PTPRE: variants seen among roughly 807,000 people sequenced by gnomAD.
PTPRE encodes the protein receptor-type tyrosine-protein phosphatase epsilon.
A neutral mutation model predicts 102.0 loss-of-function variants in PTPRE; 51 were observed. That is an observed-to-expected ratio of 0.50 (90% CI 0.40 to 0.63). The LOEUF (loss-of-function observed/expected upper bound fraction) is 0.63. PTPRE is among the 30% of genes least tolerant of loss of function. PTPRE has a pLI of 0.00. For synonymous variants in PTPRE, 345 were observed against 348.2 expected (o/e 0.99, Z 0.10); for missense variants, 752 against 915.1 (o/e 0.82, Z 2.30).
In PTPRE at chr10:128,085,287, CTT is replaced by C. The variant is rs1852011410; in HGVS notation, c.*2382_*2383del. ...TCCGTGCAACCTGGAAAGTTCATCT[CTT>C]GTTTCCTTCAGTCAAAGAAAGTCCA... On this transcript the variant is annotated 3_prime_UTR_variant, in exon 21 of 21. Coordinates refer to ENST00000254667, the MANE Select transcript of PTPRE (RefSeq NM_006504.6). The C allele has an allele frequency of 3.2e-6, 1 of 311,442 alleles. No individual in the cohort carries two copies. The highest frequency in any genetic ancestry group is 6.6e-6 in the Non-Finnish European group (1 of 152,328). 19.3% of individuals were successfully genotyped at this position (311,442 alleles called of 1,614,324 possible). A position where few individuals can be genotyped will look rare whatever the true frequency, so the allele number is the denominator to read the frequency against.
At chr10:128,021,706 C>T (rs1478684556) in intron 2 of PTPRE, among the ~76,000 whole-genome samples, 1 of 152,256 alleles carries the variant, frequency 6.6e-6, no homozygotes, top group Non-Finnish European at 1.5e-5. Context: ...TGCTGTGAGA[C>T]TGTGCCCCGG....
intron 16 of PTPRE, chr10:128,072,502 A>C: frequency 3.8e-6 from 1 of 259,768 alleles, no homozygotes; most frequent in Non-Finnish European, 7.4e-6. Context: ...AAATACAAAA[A>C]TTAGCTGGGC....
chr10:128,048,652 C>T (rs115762819), intron 5 of PTPRE, among the ~76,000 whole-genome samples: 2,011 of 152,290 alleles, frequency 0.013, 52 homozygotes, highest in African/African-American at 0.047. Context: ...TTCCTGCCCT[C>T]GTTCCAGTCC....
intron 4 of PTPRE, 130 bp from the exon 5 acceptor site, chr10:128,047,634 T>TAG: frequency 6.2e-7 from 1 of 1,614,130 alleles, no homozygotes; most frequent in East Asian, 2.2e-5. Context: ...GGCCAGGCCT[T>TAG]AGCGCGGCTC....
chr10:127,935,548 T>C (rs1395363724), intron 1 of PTPRE, among the ~76,000 whole-genome samples: 2 of 152,044 alleles, frequency 1.3e-5, no homozygotes, highest in African/African-American at 4.8e-5. Flanking sequence ...TGCAACTCCA[T>C]CCTTTGCTCC....
chr10:128,069,993 G>A, intron 13 of PTPRE, 166 bp downstream of exon 13: 1 of 999,446 alleles, frequency 1.0e-6, no homozygotes, highest in Admixed American at 2.4e-5. Flanking sequence ...TGGGACCTCA[G>A]GGACTCCCTC....
intron 1 of PTPRE, among the ~76,000 whole-genome samples, chr10:127,919,226 T>A (rs191973879): frequency 6.6e-6 from 1 of 152,222 alleles, no homozygotes. Flanking sequence ...TCATTTCTGG[T>A]GATTTTCTCA....
chr10:128,066,557 G>A (rs1409828869), intron 11 of PTPRE, among the ~76,000 whole-genome samples: 5 of 152,148 alleles, frequency 3.3e-5, no homozygotes, highest in African/African-American at 4.8e-5. Context: ...AACACTTTCC[G>A]AATTCTGTCT....
At chr10:127,908,448 G>T (rs778183955) in intron 1 of PTPRE, among the ~76,000 whole-genome samples, 2 of 151,996 alleles carry the variant, frequency 1.3e-5, no homozygotes, top group Non-Finnish European at 2.9e-5. Flanking sequence ...GGGTGGGGAG[G>T]GGGGGTGTGG....
chr10:128,070,892 A>T lies in PTPRE; in HGVS notation c.1378A>T (p.Ile460Phe). The T allele has an allele frequency of 6.2e-7, 1 of 1,613,806 alleles. No individual in the cohort carries two copies. The highest frequency in any genetic ancestry group is 1.1e-5 in the South Asian group (1 of 91,076). ...CATGAAGAAGGCCAGGGTCATCCAGATCATCCCGTGTAAGGCACCCGTGGC... is the reference window on the plus strand; with the variant it reads ...CATGAAGAAGGCCAGGGTCATCCAGTTCATCCCGTGTAAGGCACCCGTGGC... ...ANMKKARVIQIIPYDFNRVIL... is the reference protein window; with the variant it reads ...ANMKKARVIQFIPYDFNRVIL... Residue 460 changes from isoleucine to phenylalanine, a missense_variant, in exon 15 of 21, where the codon ATC (isoleucine) becomes TTC (phenylalanine). By Grantham distance (21) the Ile-to-Phe change is conservative. This residue lies in a region of PTPRE where 636 missense variants were observed against 824.4 expected (regional missense o/e 0.77). Transcript: ENST00000254667. This position sits in a 1 kb window ranked among gnomAD's most constrained non-coding sequence, Gnocchi z 4.8.
intron 2 of PTPRE, among the ~76,000 whole-genome samples, chr10:127,996,893 G>A (rs1201863234): frequency 6.6e-6 from 1 of 152,090 alleles, no homozygotes. Context: ...TTTCCTATGT[G>A]GAAAGAGTTT....
At chr10:127,909,085 C>CA (rs1306354374) in intron 1 of PTPRE, among the ~76,000 whole-genome samples, 1 of 152,200 alleles carries the variant, frequency 6.6e-6, no homozygotes, top group Non-Finnish European at 1.5e-5. Flanking sequence ...GGACAGCTGG[C>CA]AGAGAGAGAT....
At chr10:128,014,105 C>T (rs1845236689) in intron 2 of PTPRE, among the ~76,000 whole-genome samples, 1 of 152,150 alleles carries the variant, frequency 6.6e-6, no homozygotes, top group Non-Finnish European at 1.5e-5. Context: ...GATCCTCCGT[C>T]CCAGACTGGC....
rs374482755 is a variant in PTPRE at position 128,022,778 on chromosome 10, G to T, written c.-7-18097G>T. ...CCAGGCGGGCACAGGGGCCTGGGAGGGGCGCTGGAGGCAGGTGTGATGCCA... is the reference window on the plus strand; with the variant it reads ...CCAGGCGGGCACAGGGGCCTGGGAGTGGCGCTGGAGGCAGGTGTGATGCCA... On this transcript the variant is annotated intron_variant, in intron 2 of 20. Transcript: ENST00000254667. Among the ~76,000 whole-genome samples, 108 of 152,370 alleles carry T rather than the reference G, an allele frequency of 7.1e-4. 2 individuals carry two copies. In the East Asian group the frequency reaches 0.014, roughly 20 times the overall value.
intron 1 of PTPRE, among the ~76,000 whole-genome samples, chr10:127,956,780 G>T (rs1849435547): frequency 1.3e-5 from 2 of 152,162 alleles, no homozygotes; most frequent in Admixed American, 6.5e-5. Flanking sequence ...GTGGGTAGTG[G>T]TGTCATATTG....
At chr10:128,035,305 T>C (rs1410068512) in intron 2 of PTPRE, among the ~76,000 whole-genome samples, 10 of 152,184 alleles carry the variant, frequency 6.6e-5, no homozygotes, top group Admixed American at 1.3e-4. Flanking sequence ...ACACAAAATA[T>C]GTTATTTTGT....
At chr10:127,935,677 C>A (rs776497809) in intron 1 of PTPRE, among the ~76,000 whole-genome samples, 1 of 152,110 alleles carries the variant, frequency 6.6e-6, no homozygotes, top group Non-Finnish European at 1.5e-5. Flanking sequence ...TGTTCCTTCC[C>A]AGGGTTGTGC....
At chr10:128,076,407 G>T (rs972904195) in intron 17 of PTPRE, among the ~76,000 whole-genome samples, 196 bp from the exon 18 acceptor site, 2 of 151,820 alleles carry the variant, frequency 1.3e-5, no homozygotes, top group African/African-American at 4.8e-5. Context: ...ATATATATAT[G>T]TGTCTGTTTC....
intron 1 of PTPRE, among the ~76,000 whole-genome samples, chr10:127,927,347 T>G (rs1847106255): frequency 6.6e-6 from 1 of 152,236 alleles, no homozygotes; most frequent in Non-Finnish European, 1.5e-5. Flanking sequence ...TTGTATTCCT[T>G]TAAACACCAG....
Sources: allele counts gnomAD v4.1 joint callset (sites outside exome capture counted in the v4.1 genomes callset), GRCh38; gene constraint gnomAD v4.1.1; regional missense constraint gnomAD v4.1.1; non-coding constraint Gnocchi (gnomAD v3.1); transcripts MANE v1.5; gene names NCBI Gene and HGNC (gene_info 2026-07-23, HGNC 2026-07-21).